Variants in MAML3 observed in about 807,000 individuals in gnomAD.
MAML3 encodes the protein mastermind like transcriptional coactivator 3.
In MAML3, 27 loss-of-function variants were observed where a neutral mutation model predicts 101.9. The observed-to-expected ratio is 0.27, with a 90% CI of 0.20 to 0.37. The LOEUF (loss-of-function observed/expected upper bound fraction) is 0.37, where lower values mean the gene tolerates loss of function less well. Among genes scored for constraint, MAML3 ranks in the 10% least tolerant of loss-of-function variants. The probability of loss-of-function intolerance (pLI) is 1.00; values close to 1 mark genes in which losing one functional copy is unlikely to be tolerated. For missense variants in MAML3, 1,316 were observed against 1,444.9 expected, an observed-to-expected ratio of 0.91 and a Z score of 1.45; for synonymous variants, 501 against 555.9, an observed-to-expected ratio of 0.90 and a Z score of 1.39.
intron 1 of MAML3, among the ~76,000 whole-genome samples, chr4:139,987,844 A>C (rs1362001893): frequency 6.6e-6 from 1 of 151,406 alleles, no homozygotes; most frequent in East Asian, 1.9e-4. Context: ...ACATGATGAA[A>C]CCTTGTCTGT....
chr4:140,089,857 A>G (rs1288561353), intron 1 of MAML3, among the ~76,000 whole-genome samples: 1 of 152,196 alleles, frequency 6.6e-6, no homozygotes, highest in Non-Finnish European at 1.5e-5. Context: ...TCCTGGCCTC[A>G]AGCCATCCTG....
At chr4:140,150,957 C>T (rs1414860999) in intron 1 of MAML3, among the ~76,000 whole-genome samples, 1 of 150,350 alleles carries the variant, frequency 6.7e-6, no homozygotes, top group Non-Finnish European at 1.5e-5. Flanking sequence ...CCCTTCTTCG[C>T]GCTCGGGGCA....
At chr4:139,904,601 G>A (rs954159224) in intron 1 of MAML3, among the ~76,000 whole-genome samples, 2 of 152,168 alleles carry the variant, frequency 1.3e-5, no homozygotes, top group Non-Finnish European at 2.9e-5. Context: ...CACACAACCC[G>A]AGAACTTAAG....
chr4:140,115,604 T>C (rs371912878), intron 1 of MAML3, among the ~76,000 whole-genome samples: 14 of 152,166 alleles, frequency 9.2e-5, no homozygotes, highest in Admixed American at 5.9e-4. Flanking sequence ...AGTGAGAGAC[T>C]TAAGAGCAGG....
intron 1 of MAML3, among the ~76,000 whole-genome samples, chr4:140,135,902 A>G (rs1728874699): frequency 6.6e-6 from 1 of 152,168 alleles, no homozygotes; most frequent in African/African-American, 2.4e-5. Flanking sequence ...GAAAAATGCT[A>G]TCTCCCTCCC....
At chr4:139,840,962 G>A (rs1731350235) in intron 2 of MAML3, among the ~76,000 whole-genome samples, 1 of 152,160 alleles carries the variant, frequency 6.6e-6, no homozygotes, top group African/African-American at 2.4e-5. Flanking sequence ...GCTGCTCTAG[G>A]TTATCAGCAA....
intron 1 of MAML3, among the ~76,000 whole-genome samples, chr4:140,009,821 C>T (rs1726517977): frequency 6.6e-6 from 1 of 152,152 alleles, no homozygotes; most frequent in African/African-American, 2.4e-5. Context: ...TGGGAAGGTA[C>T]TTAGATTCAC....
At position 139,820,265 on chromosome 4, in the gene MAML3, A is replaced by G. The variant is rs961129516; in HGVS notation, c.2079+69092T>C. Reference sequence around the variant, plus strand: ...TGCTTTTAAAGAAATATGAAATTACAAAAACATCACCTTTTATCAGAATAT... The same window carrying G: ...TGCTTTTAAAGAAATATGAAATTACGAAAACATCACCTTTTATCAGAATAT... On this transcript the variant is annotated intron_variant, in intron 2 of 4. Coordinates refer to ENST00000509479, the MANE Select transcript of MAML3 (RefSeq NM_018717.5). Among the ~76,000 whole-genome samples the G allele has an allele frequency of 2.6e-5, 4 of 152,364 alleles. No homozygotes were observed. The East Asian group carries it at 7.7e-4, about 29-fold the overall frequency.
intron 1 of MAML3, among the ~76,000 whole-genome samples, chr4:140,035,234 A>G (rs919482628): frequency 1.3e-5 from 2 of 152,140 alleles, no homozygotes; most frequent in Non-Finnish European, 2.9e-5. Context: ...TCAGTCTCCA[A>G]AAGTGCTGGG....
At chr4:139,780,630 T>TC (rs1730183405) in intron 2 of MAML3, among the ~76,000 whole-genome samples, 1 of 148,934 alleles carries the variant, frequency 6.7e-6, no homozygotes, top group Non-Finnish European at 1.5e-5. Flanking sequence ...TTTCTTTTTT[T>TC]TTTTTTTTTT....
intron 2 of MAML3, among the ~76,000 whole-genome samples, chr4:139,842,718 G>A (rs1461928338): frequency 1.5e-5 from 2 of 130,762 alleles, no homozygotes; most frequent in African/African-American, 3.0e-5. Context: ...AGGTTTCACC[G>A]TGTTGGTCAG....
intron 1 of MAML3, among the ~76,000 whole-genome samples, chr4:139,926,546 G>A (rs561164708): frequency 2.0e-5 from 3 of 152,214 alleles, no homozygotes; most frequent in Non-Finnish European, 4.4e-5. Flanking sequence ...CTTGCAGTGA[G>A]CCGAGATCGC....
intron 2 of MAML3, among the ~76,000 whole-genome samples, chr4:139,810,267 G>C (rs979741780): frequency 7.0e-5 from 10 of 143,530 alleles, no homozygotes; most frequent in African/African-American, 2.6e-4. Context: ...ATCATAGCTC[G>C]CTGCAGCCTC....
At chr4:139,891,872 A>G (rs1330334130) in intron 1 of MAML3, among the ~76,000 whole-genome samples, 1 of 152,148 alleles carries the variant, frequency 6.6e-6, no homozygotes, top group Non-Finnish European at 1.5e-5. Context: ...GGTTTCCACA[A>G]CATCACACTC....
rs1553963394 is a variant in MAML3, at chr4:139,905,514, T to TAAAAA, written c.469-14548_469-14547insTTTTT. On this transcript the variant is annotated intron_variant, in intron 1 of 4. Coordinates refer to ENST00000509479, the MANE Select transcript of MAML3 (RefSeq NM_018717.5). The stretch of plus-strand genomic sequence containing the variant: ...CTCAAAAAAAAAAAAAAAAATCAGT[T>TAAAAA]AAATCAGTTATAGCTGGTTACAAAA... 4.2e-5 allele frequency among the ~76,000 whole-genome samples: 3 copies of TAAAAA among 71,730 alleles called. No individual in the cohort carries two copies. In the East Asian group the frequency reaches 1.0e-3, roughly 25 times the overall value. 47.1% of individuals were successfully genotyped at this position (71,730 alleles called of 152,430 possible). A position where few individuals can be genotyped will look rare whatever the true frequency, so the allele number is the denominator to read the frequency against.
At chr4:140,042,308 T>C (rs13147664) in intron 1 of MAML3, among the ~76,000 whole-genome samples, 78,080 of 152,090 alleles carry the variant, frequency 0.51, 23,461 homozygotes, top group East Asian at 0.95. Context: ...AACCATGGCT[T>C]AACAAAACTA....
chr4:139,948,464 T>A (rs1733775641), intron 1 of MAML3, among the ~76,000 whole-genome samples: 2 of 152,224 alleles, frequency 1.3e-5, no homozygotes, highest in South Asian at 4.1e-4. Context: ...TTAACATTCA[T>A]AGGTGTATTA....
intron 2 of MAML3, among the ~76,000 whole-genome samples, chr4:139,862,524 A>C (rs1249781812): frequency 6.6e-6 from 1 of 152,316 alleles, no homozygotes; most frequent in East Asian, 1.9e-4. Flanking sequence ...TCTTCTGACC[A>C]TTCATGTTGC....
intron 1 of MAML3, among the ~76,000 whole-genome samples, chr4:140,039,917 G>T (rs1727052580): frequency 6.6e-6 from 1 of 152,148 alleles, no homozygotes; most frequent in Admixed American, 6.5e-5. Flanking sequence ...GAAGTTCAAA[G>T]GCCAACTCAT....
Sources: gnomAD v4.1 joint callset for allele counts (sites outside exome capture counted in the v4.1 genomes callset) on GRCh38, gnomAD v4.1.1 for gene constraint, MANE v1.5 for transcripts, NCBI Gene and HGNC (gene_info 2026-07-23, HGNC 2026-07-21) for gene names.